Variants in G2E3 observed in about 807,000 individuals in gnomAD.
G2E3 encodes G2/M phase-specific E3 ubiquitin-protein ligase.
G2E3 carries 35 observed loss-of-function variants against 92.8 expected under a neutral mutation model. The observed-to-expected ratio is 0.38, with a 90% CI of 0.29 to 0.50. The LOEUF is 0.50. Ranked by LOEUF, G2E3 falls within the 20% of genes least tolerant of loss-of-function variation. The pLI, the probability that G2E3 is intolerant of heterozygous loss-of-function variation, is 0.94. For synonymous variants in G2E3, 242 were observed against 272.4 expected, an observed-to-expected ratio of 0.89 and a Z score of 1.10; for missense variants, 554 against 823.8, an observed-to-expected ratio of 0.67 and a Z score of 4.01.
chr14:30,569,638 A>C (rs1879640225), intron 1 of G2E3, among the ~76,000 whole-genome samples: 1 of 152,188 alleles, frequency 6.6e-6, no homozygotes, highest in Non-Finnish European at 1.5e-5. Context: ...TAAGAAGGGT[A>C]CTTTGGATTG....
In G2E3 at chr14:30,601,780, A is replaced by C. The variant is rs778498074; in HGVS notation, c.763A>C (p.Ile255Leu). 3 of 1,614,136 alleles carry C rather than the reference A, an allele frequency of 1.9e-6. No individual in the cohort carries two copies. The highest frequency in any genetic ancestry group is 2.5e-6 in the Non-Finnish European group (3 of 1,179,976). ...DYNAPDSKWE[I>L]KRCQCCGSSG... is the part of the protein sequence containing the mutation. ...TCTTTGTGTCCTCAGCAAATGGGAA[A>C]TAAAGCGCTGTCAGTGTTGTGGTTC... The change falls in exon 9 of 15, where the codon ATA becomes CTA. Residue 255 changes from isoleucine (I) to leucine (L), a missense_variant. By Grantham distance (5) the Ile-to-Leu change is conservative. Transcript: ENST00000206595.
At chr14:30,594,901 G>T (rs1325067775) in intron 6 of G2E3, among the ~76,000 whole-genome samples, 2 of 151,444 alleles carry the variant, frequency 1.3e-5, no homozygotes, top group Non-Finnish European at 2.9e-5. Flanking sequence ...GGCCGAGGAG[G>T]GCGGATCACC....
intron 2 of G2E3, among the ~76,000 whole-genome samples, chr14:30,582,306 G>A (rs1439682025): frequency 6.6e-6 from 1 of 152,042 alleles, no homozygotes; most frequent in African/African-American, 2.4e-5. Context: ...AATGAAATCA[G>A]GACAATTTTA....
chr14:30,605,852 A>G, intron 11 of G2E3, 40 bp downstream of exon 11: 1 of 1,056,782 alleles, frequency 9.5e-7, no homozygotes, highest in Non-Finnish European at 1.4e-6. Flanking sequence ...CAAATATCAC[A>G]TGTATAGAAA....
rs1881061364 is a variant in G2E3 at position 30,592,407 on chromosome 14, C to T, written c.322C>T (p.Leu108Phe). 2.5e-6 allele frequency: 4 copies of T among 1,594,520 alleles called. No individual in the cohort carries two copies. Among genetic ancestry groups the T allele is most frequent in the Non-Finnish European group, 3.4e-6 (4 of 1,173,522 alleles). The stretch of plus-strand genomic sequence containing the variant: ...ACGAAGTTATCATTTCCCATGTGGA[C>T]TTCAGAGAGAATGTATTTTCCAGTT... Reference protein sequence around the residue: ...CKRSYHFPCGLQRECIFQFTG... With the variant: ...CKRSYHFPCGFQRECIFQFTG... Residue 108 changes from leucine to phenylalanine, a missense_variant, in exon 5 of 15, where the codon CTT (leucine) becomes TTT (phenylalanine). Leu to Phe is a conservative substitution (Grantham distance 22). Transcript: ENST00000206595.
intron 1 of G2E3, among the ~76,000 whole-genome samples, chr14:30,580,577 A>T (rs750077440): frequency 6.6e-6 from 1 of 152,172 alleles, no homozygotes; most frequent in African/African-American, 2.4e-5. Flanking sequence ...CTTTTTTCCT[A>T]AATGATGAAC....
At chr14:30,579,014 G>A (rs771151980) in intron 1 of G2E3, among the ~76,000 whole-genome samples, 1 of 152,160 alleles carries the variant, frequency 6.6e-6, no homozygotes, top group African/African-American at 2.4e-5. Context: ...AGATGTATCA[G>A]CATGTTTAAA....
Position 30,614,436 on chromosome 14 carries a change from C to T in G2E3, c.1674-913C>T, listed in dbSNP as rs932673573. On this transcript the variant is annotated intron_variant, in intron 13 of 14. Transcript: ENST00000206595. ...TGGAAGAGCAAGTGAGCACTCAACCCATAGGTGTGCCCTCGAAATCAGGCT... is the reference window on the plus strand; with the variant it reads ...TGGAAGAGCAAGTGAGCACTCAACCTATAGGTGTGCCCTCGAAATCAGGCT... Among the ~76,000 whole-genome samples the T allele has an allele frequency of 2.6e-5, 4 of 152,192 alleles. No homozygotes were observed. In the South Asian group the frequency reaches 8.3e-4, roughly 31 times the overall value.
Position 30,615,364 on chromosome 14 carries a change from GA to G in G2E3, c.1693del (p.Thr565ProfsTer43). The G allele has an allele frequency of 6.3e-7, 1 of 1,590,170 alleles. No individual in the cohort carries two copies. Among genetic ancestry groups the G allele is most frequent in the Non-Finnish European group, 8.6e-7 (1 of 1,167,082 alleles). ...TTCTCTTAAGTTTTAAGCAGGGTCT[GA>G]AAACCCTTGGTGTTTTGGAGAAAAT... Reference protein sequence around the residue: ...TPFESFKQGLKTLGVLEKIQA... With the variant: ...TPFESFKQGLXTLGVLEKIQA... On this transcript the variant is annotated frameshift_variant, in exon 14 of 15. Coordinates refer to ENST00000206595, the MANE Select transcript of G2E3 (RefSeq NM_017769.5). LOFTEE classifies it high-confidence loss of function.
intron 1 of G2E3, among the ~76,000 whole-genome samples, chr14:30,563,692 CTTTTGTGT>C (rs1879254828): frequency 8.9e-6 from 1 of 112,948 alleles, no homozygotes; most frequent in African/African-American, 3.9e-5. Flanking sequence ...AACTTTGTTA[CTTTTGTGT>C]GTGTGTGTGT....
intron 1 of G2E3, among the ~76,000 whole-genome samples, chr14:30,565,359 C>A (rs1000542381): frequency 2.0e-5 from 3 of 152,010 alleles, no homozygotes; most frequent in African/African-American, 2.4e-5. Context: ...CTAATGTATT[C>A]TAGATACTAG....
chr14:30,578,062 AATT>A (rs1304288785), intron 1 of G2E3, among the ~76,000 whole-genome samples: 1 of 152,156 alleles, frequency 6.6e-6, no homozygotes, highest in Non-Finnish European at 1.5e-5. Flanking sequence ...ATCTAAAAGA[AATT>A]ATGAAATTCA....
intron 6 of G2E3, among the ~76,000 whole-genome samples, chr14:30,595,105 T>C (rs996041832): frequency 6.6e-6 from 1 of 152,066 alleles, no homozygotes; most frequent in Non-Finnish European, 1.5e-5. Flanking sequence ...ACCACTGCAC[T>C]CCTGTCTGGG....
Position 30,598,676 on chromosome 14 carries a change from T to G in G2E3, c.752+77T>G, listed in dbSNP as rs1247080893. The G allele has an allele frequency of 5.4e-6, 5 of 922,482 alleles. No individual in the cohort carries two copies. The East Asian group carries it at 7.2e-5, about 13-fold the overall frequency. The allele number at this position is 922,482 out of a possible 1,614,324, so 57.1% of individuals were successfully genotyped here. ...CTGAGAAAGTAGATTTTATAGTTAG[T>G]GAAACGTAGTTTTTCTCTTAGGATG... On this transcript the variant is annotated intron_variant, in intron 8 of 14. Coordinates refer to ENST00000206595, the MANE Select transcript of G2E3 (RefSeq NM_017769.5).
Position 30,612,223 on chromosome 14 carries a change from C to G in G2E3, c.1517C>G (p.Thr506Ser), listed in dbSNP as rs1882126068. 4 of 1,610,294 alleles carry G rather than the reference C, an allele frequency of 2.5e-6. No homozygotes were observed. The Admixed American group carries it at 5.0e-5, about 20-fold the overall frequency. Residue 506 changes from threonine (T) to serine (S), a missense_variant, in exon 13 of 15, where the codon ACT (threonine) becomes AGT (serine). By Grantham distance (58) the Thr-to-Ser change is moderately conservative. Coordinates refer to ENST00000206595, the MANE Select transcript of G2E3 (RefSeq NM_017769.5). The stretch of plus-strand genomic sequence containing the variant: ...TCATTACAGATAAATACTGCAACAA[C>G]TGTAGCTGACTTAAAGTCAATAATA... ...QIIIRINTAT[T>S]VADLKSIINE...
At chr14:30,606,681 T>A (rs1463103883) in intron 11 of G2E3, among the ~76,000 whole-genome samples, 1 of 152,142 alleles carries the variant, frequency 6.6e-6, no homozygotes, top group Non-Finnish European at 1.5e-5. Context: ...TCTCTCTGGA[T>A]CTCAGTTTCT....
At chr14:30,569,749 G>GA (rs1182670674) in intron 1 of G2E3, among the ~76,000 whole-genome samples, 6 of 152,052 alleles carry the variant, frequency 3.9e-5, no homozygotes, top group African/African-American at 1.5e-4. Flanking sequence ...GAAGGGGGGG[G>GA]ATTATATTAC....
chr14:30,560,703 C>A, intron 1 of G2E3: 1 of 649,542 alleles, frequency 1.5e-6, no homozygotes, highest in South Asian at 1.7e-5. Context: ...TTTCTTAAAT[C>A]AGTGAGTTTC....
intron 1 of G2E3, among the ~76,000 whole-genome samples, chr14:30,569,864 C>G (rs1879657932): frequency 6.6e-6 from 1 of 152,128 alleles, no homozygotes; most frequent in Non-Finnish European, 1.5e-5. Context: ...CCCAAACATC[C>G]CAGGCTTTCA....
Sources: allele counts gnomAD v4.1 joint callset (sites outside exome capture counted in the v4.1 genomes callset), GRCh38; gene constraint gnomAD v4.1.1; transcripts MANE v1.5; gene names NCBI Gene and HGNC (gene_info 2026-07-23, HGNC 2026-07-21).